AKR1B15: variants seen among roughly 807,000 people sequenced by gnomAD.
AKR1B15 encodes the protein estradiol 17-beta-dehydrogenase AKR1B15.
In AKR1B15, 49 loss-of-function variants were observed where a neutral mutation model predicts 38.5. That is an observed-to-expected ratio of 1.27 (90% confidence interval 1.01 to 1.62). The LOEUF (loss-of-function observed/expected upper bound fraction) is 1.62. AKR1B15 is among the 40% of genes most tolerant of loss of function. AKR1B15 has a pLI of 0.00. For missense variants in AKR1B15, 411 were observed against 381.6 expected (o/e 1.08, Z -0.64); for synonymous variants, 137 against 135.5 (o/e 1.01, Z -0.08).
Position 134,556,743 on chromosome 7 carries a change from C to G in AKR1B15, c.-139C>G, listed in dbSNP as rs904646291. On this transcript the variant is annotated 5_prime_UTR_variant, in exon 2 of 12. Coordinates refer to ENST00000457545, the MANE Select transcript of AKR1B15 (RefSeq NM_001080538.3). ...CCCTGAATTGCATTTCAGGTTTCAC[C>G]GAGCTGCCCTACTCCTTGTACCCCT... The G allele has an allele frequency of 6.6e-6, 1 of 152,154 alleles. No homozygotes were observed. Among genetic ancestry groups the G allele is most frequent in the Non-Finnish European group, 1.5e-5 (1 of 68,036 alleles). 9.4% of individuals were successfully genotyped at this position (152,154 alleles called of 1,614,324 possible). A position where few individuals can be genotyped will look rare whatever the true frequency, so the allele number is the denominator to read the frequency against.
Position 134,571,605 on chromosome 7 carries a change from CTG to C in AKR1B15, c.438_439del (p.Asp148Ter), listed in dbSNP as rs1388644617. 1 of 1,611,616 alleles carries C rather than the reference CTG, an allele frequency of 6.2e-7. No individual in the cohort carries two copies. Among genetic ancestry groups the C allele is most frequent in the Admixed American group, 1.7e-5 (1 of 59,862 alleles). On this transcript the variant is annotated frameshift_variant and splice_region_variant, in exon 6 of 12. Transcript: ENST00000457545. LOFTEE classifies it high-confidence loss of function. Reference sequence around the variant, plus strand: ...AAACTTTTCATTCTGTATTTACAGACTGGGGATGACTTTTTCCCCAAAGATGA... The same window carrying C: ...AAACTTTTCATTCTGTATTTACAGACGGGATGACTTTTTCCCCAAAGATGA...
In AKR1B15 at chr7:134,569,530, G is replaced by T; in HGVS notation, c.435+1G>T. The T allele has an allele frequency of 1.2e-6, 2 of 1,613,950 alleles. No homozygotes were observed. Among genetic ancestry groups the T allele is most frequent in the Non-Finnish European group, 1.7e-6 (2 of 1,179,872 alleles). On this transcript the variant is annotated splice_donor_variant, in intron 5 of 11. Coordinates refer to ENST00000457545, the MANE Select transcript of AKR1B15 (RefSeq NM_001080538.3). LOFTEE classifies it high-confidence loss of function. ...TATTCACTGGCCACAGGGATTCAAGGTTTGAGTGACTCCCTTTCTCAGCCT... is the reference window on the plus strand; with the variant it reads ...TATTCACTGGCCACAGGGATTCAAGTTTTGAGTGACTCCCTTTCTCAGCCT...
intron 1 of AKR1B15, among the ~76,000 whole-genome samples, chr7:134,553,265 G>C (rs1269425285): frequency 6.6e-6 from 1 of 152,198 alleles, no homozygotes; most frequent in African/African-American, 2.4e-5. Context: ...CTACTGGAGG[G>C]AATACCCCGC....
At chr7:134,574,360 C>T (rs1030555853) in intron 6 of AKR1B15, among the ~76,000 whole-genome samples, 2 of 152,048 alleles carry the variant, frequency 1.3e-5, no homozygotes, top group East Asian at 1.9e-4. Flanking sequence ...TTCTCTCTCT[C>T]GGGGTTTTTG....
chr7:134,562,022 C>T (rs1794408910), intron 2 of AKR1B15, among the ~76,000 whole-genome samples: 1 of 152,164 alleles, frequency 6.6e-6, no homozygotes, highest in African/African-American at 2.4e-5. Flanking sequence ...CTCACTGTGT[C>T]GCCCAGGCTG....
At chr7:134,567,334 T>C (rs1046763082) in intron 3 of AKR1B15, among the ~76,000 whole-genome samples, 5 of 152,198 alleles carry the variant, frequency 3.3e-5, no homozygotes, top group African/African-American at 9.6e-5. Context: ...CTTCCCTTCT[T>C]TCTCTCCCTC....
intron 1 of AKR1B15, among the ~76,000 whole-genome samples, chr7:134,555,725 G>A (rs1243041595): frequency 2.0e-5 from 3 of 152,118 alleles, no homozygotes; most frequent in Non-Finnish European, 2.9e-5. Flanking sequence ...CCGATCATGA[G>A]AGCAGGGAAC....
intron 3 of AKR1B15, 44 bp downstream of exon 3, chr7:134,564,813 G>T (rs1794496736): frequency 3.3e-6 from 2 of 599,442 alleles, no homozygotes; most frequent in Non-Finnish European, 6.0e-6. Flanking sequence ...AACAGCAGTT[G>T]TGGTGTCCTG....
At chr7:134,576,303 A>ACCTT (rs749100952) in intron 8 of AKR1B15, 46 bp from the exon 9 acceptor site, 2 of 1,584,416 alleles carry the variant, frequency 1.3e-6, no homozygotes, top group African/African-American at 2.7e-5. Flanking sequence ...CCTTCTGTAC[A>ACCTT]CGGTAGCCAT....
chr7:134,562,089 T>C (rs1487513937), intron 2 of AKR1B15, among the ~76,000 whole-genome samples: 1 of 152,148 alleles, frequency 6.6e-6, no homozygotes, highest in Admixed American at 6.5e-5. Context: ...GTTCAAGCAA[T>C]TCTCCTGTCT....
chr7:134,562,832 C>CTTTCTTTCTTTTCTTTCTT (rs1554402357), intron 2 of AKR1B15, among the ~76,000 whole-genome samples: 1 of 122,600 alleles, frequency 8.2e-6, no homozygotes, highest in Admixed American at 9.1e-5. Flanking sequence ...TCCTTCCTTT[C>CTTTCTTTCTTTTCTTTCTT]TCTTTCTTTC....
chr7:134,577,135 A>G, intron 10 of AKR1B15, 89 bp downstream of exon 10: 1 of 1,350,676 alleles, frequency 7.4e-7, no homozygotes, highest in Non-Finnish European at 1.1e-6. Flanking sequence ...TCATCCCTGC[A>G]CTGTCTTTGG....
chr7:134,571,747 G>T (rs1263759939), intron 6 of AKR1B15, 66 bp downstream of exon 6: 16 of 1,275,462 alleles, frequency 1.3e-5, no homozygotes, highest in Non-Finnish European at 1.7e-5. Flanking sequence ...GATTCCCATT[G>T]ATATGAAAGA....
chr7:134,562,867 TTTC>T (rs1794445648), intron 2 of AKR1B15, among the ~76,000 whole-genome samples: 1 of 142,832 alleles, frequency 7.0e-6, no homozygotes, highest in African/African-American at 2.8e-5. Flanking sequence ...TCTTTCTTTC[TTTC>T]TTTCTTTCTT....
chr7:134,551,979 C>T (rs535908832), intron 1 of AKR1B15, among the ~76,000 whole-genome samples: 53 of 152,276 alleles, frequency 3.5e-4, no homozygotes, highest in East Asian at 2.3e-3. Flanking sequence ...CCAGCCTGTA[C>T]GCTTCCTAAT....
chr7:134,554,952 T>G (rs1003275090), intron 1 of AKR1B15, among the ~76,000 whole-genome samples: 1 of 152,202 alleles, frequency 6.6e-6, no homozygotes, highest in Non-Finnish European at 1.5e-5. Flanking sequence ...GTAGAATGCA[T>G]GAACCCCATC....
At position 134,576,446 on chromosome 7, in the gene AKR1B15, T is replaced by C. The variant is rs771735222; in HGVS notation, c.825+16T>C. 1.9e-6 allele frequency: 3 copies of C among 1,613,320 alleles called. No homozygotes were observed. Among genetic ancestry groups the C allele is most frequent in the Non-Finnish European group, 2.5e-6 (3 of 1,179,500 alleles). ...CACAGCCCAGGTACCATATTTTTAT[T>C]TTTCTTGTTATCCAACCACTCATGC... On this transcript the variant is annotated intron_variant, in intron 9 of 11. Transcript: ENST00000457545.
intron 1 of AKR1B15, among the ~76,000 whole-genome samples, chr7:134,552,552 G>A (rs765453582): frequency 2.6e-5 from 4 of 151,956 alleles, no homozygotes; most frequent in African/African-American, 7.3e-5. Context: ...ATGTGAGATC[G>A]CCTGGAATAT....
intron 4 of AKR1B15, among the ~76,000 whole-genome samples, chr7:134,568,671 C>T (rs184876543): frequency 3.3e-5 from 5 of 152,250 alleles, no homozygotes; most frequent in African/African-American, 1.2e-4. Context: ...GCACTGTGGT[C>T]TCAGCGACTG....
Sources: allele counts gnomAD v4.1 joint callset (sites outside exome capture counted in the v4.1 genomes callset), GRCh38; gene constraint gnomAD v4.1.1; transcripts MANE v1.5; gene names NCBI Gene and HGNC (gene_info 2026-07-23, HGNC 2026-07-21).